Variants in PTDSS1 observed in about 807,000 individuals in gnomAD.
PTDSS1 encodes phosphatidylserine synthase 1, also known as PSS-1.
PTDSS1 carries 45 observed loss-of-function variants against 70.5 expected under a neutral mutation model. That is an observed-to-expected ratio of 0.64 (90% confidence interval 0.50 to 0.82). The LOEUF is 0.82. Among genes scored for constraint, PTDSS1 ranks in the 40% least tolerant of loss-of-function variants. PTDSS1 has a pLI of 0.00. For missense variants in PTDSS1, 417 were observed against 586.1 expected, an observed-to-expected ratio of 0.71 and a Z score of 2.98; for synonymous variants, 188 against 203.8, an observed-to-expected ratio of 0.92 and a Z score of 0.66.
chr8:96,321,980 C>T (rs778647622), intron 10 of PTDSS1, among the ~76,000 whole-genome samples: 1 of 152,172 alleles, frequency 6.6e-6, no homozygotes, highest in Non-Finnish European at 1.5e-5. Context: ...TCAGATATGT[C>T]TCTGGCCTGT....
Position 96,262,282 on chromosome 8 carries a change from T to TTGGGG in PTDSS1, c.179+63_179+64insTGGGG. The TTGGGG allele has an allele frequency of 4.0e-6, 1 of 250,428 alleles. No homozygotes were observed. The highest frequency in any genetic ancestry group is 8.0e-6 in the Non-Finnish European group (1 of 125,596). 15.5% of individuals were successfully genotyped at this position (250,428 alleles called of 1,614,324 possible). ...GCTAGGGAAGAGGCGGGAGGGAGGGTGGCGGGGAGGGGGGCCCGGCATGGC... is the reference window on the plus strand; with the variant it reads ...GCTAGGGAAGAGGCGGGAGGGAGGGTTGGGGGGCGGGGAGGGGGGCCCGGCATGGC... On this transcript the variant is annotated intron_variant, in intron 1 of 12. Coordinates refer to ENST00000517309, the MANE Select transcript of PTDSS1 (RefSeq NM_014754.3). The surrounding 1 kb of genome is among the most constrained non-coding windows in gnomAD (Gnocchi z 4.4).
chr8:96,271,055 T>C, intron 1 of PTDSS1, among the ~76,000 whole-genome samples: 1 of 152,256 alleles, frequency 6.6e-6, no homozygotes, highest in East Asian at 1.9e-4. Flanking sequence ...TTTTAGTTAA[T>C]GTTTTTAAAG....
Position 96,299,853 on chromosome 8 carries a change from G to T in PTDSS1, c.752+8G>T. 6.3e-7 allele frequency: 1 copy of T among 1,599,562 alleles called. No individual in the cohort carries two copies. Among genetic ancestry groups the T allele is most frequent in the Non-Finnish European group, 8.5e-7 (1 of 1,176,310 alleles). On this transcript the variant is annotated splice_region_variant and intron_variant, in intron 6 of 12. Coordinates refer to ENST00000517309, the MANE Select transcript of PTDSS1 (RefSeq NM_014754.3). Reference sequence around the variant, plus strand: ...CCACTGGGCAAGCTTCAAGTGAGTTGCCTTCTTTTTGGATATTAGTCACAG... The same window carrying T: ...CCACTGGGCAAGCTTCAAGTGAGTTTCCTTCTTTTTGGATATTAGTCACAG...
chr8:96,304,393 A>T (rs1196496658), intron 7 of PTDSS1, among the ~76,000 whole-genome samples: 1 of 152,140 alleles, frequency 6.6e-6, no homozygotes, highest in Non-Finnish European at 1.5e-5. Flanking sequence ...TAAAATATGG[A>T]TCTTTGAATT....
chr8:96,324,972 C>G lies in PTDSS1; in HGVS notation c.1173+4627C>G, dbSNP rs181209760. On this transcript the variant is annotated intron_variant, in intron 10 of 12. Coordinates refer to ENST00000517309, the MANE Select transcript of PTDSS1 (RefSeq NM_014754.3). ...TTCACTTGGTACAGACCTCTTAGTC[C>G]GGGCTTCATTCACAGACAGTTGCTG... 8.9e-4 allele frequency among the ~76,000 whole-genome samples: 136 copies of G among 152,274 alleles called. 3 individuals are homozygous for G. The highest frequency in any genetic ancestry group is 3.0e-3 in the African/African-American group (124 of 41,562).
intron 1 of PTDSS1, among the ~76,000 whole-genome samples, chr8:96,264,528 T>C (rs185607405): frequency 2.9e-3 from 438 of 152,340 alleles, no homozygotes; most frequent in African/African-American, 9.8e-3. Flanking sequence ...AACTTCATCT[T>C]AGGTGTGGGC....
chr8:96,286,969 G>A, intron 3 of PTDSS1, 53 bp from the exon 4 acceptor site: 3 of 1,605,518 alleles, frequency 1.9e-6, no homozygotes, highest in Non-Finnish European at 8.5e-7. Context: ...TGTATTGTGT[G>A]TGTCTGACTA....
intron 4 of PTDSS1, 52 bp downstream of exon 4, chr8:96,287,198 T>C: frequency 6.3e-7 from 1 of 1,592,862 alleles, no homozygotes; most frequent in South Asian, 1.1e-5. Context: ...CTTTCTTGGG[T>C]GTAAGAGGTA....
At chr8:96,270,639 C>T (rs1810552768) in intron 1 of PTDSS1, among the ~76,000 whole-genome samples, 1 of 152,206 alleles carries the variant, frequency 6.6e-6, no homozygotes, top group African/African-American at 2.4e-5. Flanking sequence ...TAAACTCACT[C>T]TCCTATCCCC....
intron 7 of PTDSS1, among the ~76,000 whole-genome samples, chr8:96,305,651 C>A (rs549361457): frequency 6.6e-6 from 1 of 152,144 alleles, no homozygotes; most frequent in Non-Finnish European, 1.5e-5. Flanking sequence ...ACGAGTCCAT[C>A]GTCATCTCTC....
chr8:96,283,017 T>A (rs1003263431), intron 2 of PTDSS1, among the ~76,000 whole-genome samples: 1 of 152,188 alleles, frequency 6.6e-6, no homozygotes, highest in Admixed American at 6.5e-5. Flanking sequence ...TGGGCTATGG[T>A]CTGCCCCAGT....
chr8:96,329,776 G>T (rs1412582114), intron 10 of PTDSS1, among the ~76,000 whole-genome samples: 1 of 152,162 alleles, frequency 6.6e-6, no homozygotes, highest in Non-Finnish European at 1.5e-5. Context: ...GGGCCCTCAG[G>T]TGCCGCTGTG....
At chr8:96,323,900 T>C (rs1229353085) in intron 10 of PTDSS1, among the ~76,000 whole-genome samples, 1 of 152,246 alleles carries the variant, frequency 6.6e-6, no homozygotes, top group African/African-American at 2.4e-5. Context: ...CTTTTAATTT[T>C]AAATTGTCTT....
Position 96,304,104 on chromosome 8 carries a change from A to T in PTDSS1, c.817A>T (p.Thr273Ser). 1 of 1,613,612 alleles carries T rather than the reference A, an allele frequency of 6.2e-7. No homozygotes were observed. Among genetic ancestry groups the T allele is most frequent in the Non-Finnish European group, 8.5e-7 (1 of 1,179,720 alleles). ...AVLQFTPASW[T>S]YVRWFDPKSS... is the part of the protein sequence containing the mutation. ...TCTGCAGTTCACTCCTGCTAGCTGG[A>T]CCTATGTTCGATGGTTTGACCCCAA... The change falls in exon 7 of 13, where the codon ACC (threonine) becomes TCC (serine). Residue 273 changes from threonine (T) to serine (S), a missense_variant. This residue lies in a region of PTDSS1 where 272 missense variants were observed against 429.5 expected (regional missense o/e 0.63). Coordinates refer to ENST00000517309, the MANE Select transcript of PTDSS1 (RefSeq NM_014754.3).
chr8:96,314,892 G>A (rs1388012709), intron 9 of PTDSS1, among the ~76,000 whole-genome samples: 1 of 152,148 alleles, frequency 6.6e-6, no homozygotes, highest in Admixed American at 6.5e-5. Context: ...CACCACGCCT[G>A]GCCTACAAAG....
chr8:96,319,913 T>G (rs1811350414), intron 9 of PTDSS1, among the ~76,000 whole-genome samples: 1 of 152,202 alleles, frequency 6.6e-6, no homozygotes, highest in Non-Finnish European at 1.5e-5. Context: ...GTAGTTTCCC[T>G]GTGCCTGAGA....
intron 6 of PTDSS1, among the ~76,000 whole-genome samples, chr8:96,301,595 C>T (rs1811051546): frequency 6.6e-6 from 1 of 152,072 alleles, no homozygotes; most frequent in Non-Finnish European, 1.5e-5. Flanking sequence ...TCTCGGCTCA[C>T]TGCAACCTCC....
intron 9 of PTDSS1, among the ~76,000 whole-genome samples, chr8:96,317,071 G>GTGTGTGTGTGTA (rs33916906): frequency 1.4e-4 from 21 of 148,618 alleles, no homozygotes; most frequent in Middle Eastern, 3.5e-3. Context: ...GTGTGTGTGT[G>GTGTGTGTGTGTA]TATATATATA....
At chr8:96,276,978 GCGCACACACACACACACA>G (rs1361036177) in intron 2 of PTDSS1, among the ~76,000 whole-genome samples, 4 of 129,632 alleles carry the variant, frequency 3.1e-5, no homozygotes, top group African/African-American at 8.0e-5. Flanking sequence ...GCGCACGCGC[GCGCACACACACACACACA>G]CACACACACA....
Sources: gnomAD v4.1 joint callset for allele counts (sites outside exome capture counted in the v4.1 genomes callset) on GRCh38, gnomAD v4.1.1 for gene constraint, gnomAD v4.1.1 regional missense constraint, Gnocchi (gnomAD v3.1) non-coding constraint, MANE v1.5 for transcripts, NCBI Gene and HGNC (gene_info 2026-07-23, HGNC 2026-07-21) for gene names.